The following RRP36 variants were observed in gnomAD, a reference collection of about 807,000 sequenced individuals.
RRP36 encodes ribosomal RNA processing 36, also known as ribosomal RNA processing protein 36 homolog.
In RRP36, 44 loss-of-function variants were observed where a neutral mutation model predicts 39.8. The observed-to-expected ratio is 1.10, with a 90% CI of 0.87 to 1.42. The LOEUF (loss-of-function observed/expected upper bound fraction) is 1.42, where lower values mean the gene tolerates loss of function less well. Ranked by LOEUF, RRP36 falls within the 40% of genes most tolerant of loss-of-function variation. RRP36 has a pLI of 0.00. For synonymous variants in RRP36, 124 were observed against 123.1 expected, an observed-to-expected ratio of 1.01 and a Z score of -0.05; for missense variants, 316 against 322.4, an observed-to-expected ratio of 0.98 and a Z score of 0.15.
chr6:43,026,646 C>T (rs1001623925), intron 4 of RRP36, among the ~76,000 whole-genome samples: 7 of 151,492 alleles, frequency 4.6e-5, no homozygotes, highest in Admixed American at 3.3e-4. Context: ...GCACTCCAAC[C>T]TGGGCAGCAG....
chr6:43,023,731 C>A (rs765649380), intron 1 of RRP36, among the ~76,000 whole-genome samples: 1 of 151,702 alleles, frequency 6.6e-6, no homozygotes, highest in Non-Finnish European at 1.5e-5. Context: ...TAAATTATTA[C>A]ATTAAAAGGC....
Position 43,021,697 on chromosome 6 carries a change from G to C in RRP36, c.43G>C (p.Gly15Arg), listed in dbSNP as rs937110331. 3.6e-6 allele frequency: 4 copies of C among 1,100,774 alleles called. No homozygotes were observed. Among genetic ancestry groups the C allele is most frequent in the Non-Finnish European group, 2.2e-6 (2 of 889,194 alleles). The allele number at this position is 1,100,774 out of a possible 1,614,324, so 68.2% of individuals were successfully genotyped here. A position where few individuals can be genotyped will look rare whatever the true frequency, so the allele number is the denominator to read the frequency against. The change falls in exon 1 of 7, where the codon GGG (glycine) becomes CGG (arginine). Residue 15 changes from glycine to arginine, a missense_variant. Gly to Arg is a moderately radical substitution (Grantham distance 125, BLOSUM62 -2). Coordinates refer to ENST00000244496, the MANE Select transcript of RRP36 (RefSeq NM_033112.4). ...CCGCGCCGGGGCCGGGGCCGGGGCC[G>C]GGGCCCGACGTCCCCGCGGGGCCCG... is the stretch of plus-strand genomic sequence containing the variant. The part of the protein sequence containing the change: ...NYRAGAGAGA[G>R]ARRPRGARDR...
Position 43,021,690 on chromosome 6 carries a change from C to T in RRP36, c.36C>T (p.Ala12=), listed in dbSNP as rs1762713721. 8.2e-7 allele frequency: 1 copy of T among 1,226,708 alleles called. No homozygotes were observed. The highest frequency in any genetic ancestry group is 1.0e-6 in the Non-Finnish European group (1 of 983,220). 76.0% of individuals were successfully genotyped at this position (1,226,708 alleles called of 1,614,324 possible). ...PGANYRAGAG[A]GAGARRPRGA... ...CTAACTACCGCGCCGGGGCCGGGGC[C>T]GGGGCCGGGGCCCGACGTCCCCGCG... The change falls in exon 1 of 7, where the codon GCC becomes GCT. Residue 12 remains alanine, a synonymous_variant. Transcript: ENST00000244496.
intron 5 of RRP36, 54 bp downstream of exon 5, chr6:43,027,306 T>G: frequency 6.2e-7 from 1 of 1,612,258 alleles, no homozygotes; most frequent in South Asian, 1.1e-5. Flanking sequence ...GTGGGAGATA[T>G]TCACAGATCT....
intron 3 of RRP36, 36 bp from the exon 4 acceptor site, chr6:43,026,001 C>T: frequency 6.8e-7 from 1 of 1,467,238 alleles, no homozygotes; most frequent in Non-Finnish European, 9.5e-7. Flanking sequence ...GGAGATTGAA[C>T]AGTTGTGTTT....
chr6:43,022,717 C>T lies in RRP36; in HGVS notation c.130+933C>T, dbSNP rs1467312082. Among the ~76,000 whole-genome samples the T allele has an allele frequency of 4.7e-5, 7 of 150,126 alleles. No homozygotes were observed. The East Asian group carries it at 5.9e-4, about 13-fold the overall frequency. ...GCGCGATCTCAGCTCACTGCAAGCTCCGCCTCCCGTGTTTACGCCATTCTC... is the reference window on the plus strand; with the variant it reads ...GCGCGATCTCAGCTCACTGCAAGCTTCGCCTCCCGTGTTTACGCCATTCTC... On this transcript the variant is annotated intron_variant, in intron 1 of 6. Transcript: ENST00000244496.
Position 43,025,258 on chromosome 6 carries a change from C to T in RRP36, c.279-5C>T. 1.2e-6 allele frequency: 2 copies of T among 1,614,126 alleles called. No individual in the cohort carries two copies. The highest frequency in any genetic ancestry group is 1.1e-5 in the South Asian group (1 of 91,076). On this transcript the variant is annotated splice_polypyrimidine_tract_variant and splice_region_variant and intron_variant, in intron 2 of 6. Transcript: ENST00000244496. ...CTCTTGACTTGGCTTTTAATTTCTC[C>T]ATAGGCCTCTGGAAATGTCAGCCAA...
At chr6:43,027,722 C>G (rs1762840716) in intron 6 of RRP36, among the ~76,000 whole-genome samples, 1 of 131,832 alleles carries the variant, frequency 7.6e-6, no homozygotes, top group East Asian at 2.2e-4. Flanking sequence ...ACCCCCCCCC[C>G]CCAACACACA....
chr6:43,029,276 T>C lies in RRP36; in HGVS notation c.*48T>C. ...CCACTGCCCCAGGGAGACATGGATC[T>C]GTGAGGACAGATTTGGCCACGGCTG... On this transcript the variant is annotated 3_prime_UTR_variant, in exon 7 of 7. Coordinates refer to ENST00000244496, the MANE Select transcript of RRP36 (RefSeq NM_033112.4). The C allele has an allele frequency of 6.2e-7, 1 of 1,602,766 alleles. No homozygotes were observed. The highest frequency in any genetic ancestry group is 8.5e-7 in the Non-Finnish European group (1 of 1,171,594).
rs199956173 is a variant in RRP36 at position 43,029,112 on chromosome 6, C to A, written c.664C>A (p.Leu222Ile). ...TTTAGCTGAGCAGCGCCAGTTGGCA[C>A]TAGCTGAGAAGTTCAAGGAGCTGAA... ...LKKSEQRQLA[L>I]AEKFKELKRS... Residue 222 changes from leucine to isoleucine, a missense_variant, in exon 7 of 7, where the codon CTA (leucine) becomes ATA (isoleucine). Coordinates refer to ENST00000244496, the MANE Select transcript of RRP36 (RefSeq NM_033112.4). 10 of 1,614,236 alleles carry A rather than the reference C, an allele frequency of 6.2e-6. No individual in the cohort carries two copies. In the African/African-American group the frequency reaches 1.3e-4, roughly 22 times the overall value.
At chr6:43,022,280 A>G (rs1231905227) in intron 1 of RRP36, among the ~76,000 whole-genome samples, 1 of 151,822 alleles carries the variant, frequency 6.6e-6, no homozygotes, top group African/African-American at 2.4e-5. Flanking sequence ...TTGTATTTTT[A>G]GTAGAGACGG....
Position 43,025,079 on chromosome 6 carries a change from G to C in RRP36, c.225G>C (p.Lys75Asn). The C allele has an allele frequency of 6.2e-7, 1 of 1,614,180 alleles. No homozygotes were observed. The highest frequency in any genetic ancestry group is 1.1e-5 in the South Asian group (1 of 91,082). The change falls in exon 2 of 7, where the codon AAG becomes AAC. Residue 75 changes from lysine to asparagine, a missense_variant. Transcript: ENST00000244496. ...AATTGGTAGCTGGAAATAGTCCTAA[G>C]AAACAAGCTTCTAGACCACCTATCC... ...YKQLVAGNSP[K>N]KQASRPPIQN... is the part of the protein sequence containing the mutation.
rs935755297 is a variant in RRP36, at chr6:43,025,654, G to A, written c.345+325G>A. 1.3e-4 allele frequency among the ~76,000 whole-genome samples: 20 copies of A among 149,424 alleles called. No homozygotes were observed. The East Asian group carries it at 3.2e-3, about 24-fold the overall frequency. On this transcript the variant is annotated intron_variant, in intron 3 of 6. Transcript: ENST00000244496. ...AAAAAAAAAAAAAAAAATAGAGGCCGGGCGCAGTGGCTCATGTCTGTAATC... is the reference window on the plus strand; with the variant it reads ...AAAAAAAAAAAAAAAAATAGAGGCCAGGCGCAGTGGCTCATGTCTGTAATC...
rs111236532 is a variant in RRP36 at position 43,027,289 on chromosome 6, A to G, written c.525+37A>G. 3,569 of 1,612,872 alleles carry G rather than the reference A, an allele frequency of 2.2e-3. 61 individuals carry two copies. The African/African-American group carries it at 0.039, about 18-fold the overall frequency. On this transcript the variant is annotated intron_variant, in intron 5 of 6. Coordinates refer to ENST00000244496, the MANE Select transcript of RRP36 (RefSeq NM_033112.4). ...ATAATTGTGGTGGGTAATGAAAGCA[A>G]TTAAAGGTGGGAGATATTCACAGAT... is the stretch of plus-strand genomic sequence containing the variant.
intron 1 of RRP36, among the ~76,000 whole-genome samples, chr6:43,022,258 C>G (rs1762731029): frequency 6.6e-6 from 1 of 151,796 alleles, no homozygotes. Flanking sequence ...GCCACCACGC[C>G]CGGCTAATTT....
At chr6:43,028,134 T>G (rs1762852161) in intron 6 of RRP36, among the ~76,000 whole-genome samples, 1 of 150,414 alleles carries the variant, frequency 6.6e-6, no homozygotes, top group African/African-American at 2.5e-5. Context: ...GAGACCAGCC[T>G]GGGGGCCAAC....
chr6:43,022,236 C>T (rs1424521143), intron 1 of RRP36, among the ~76,000 whole-genome samples: 6 of 151,650 alleles, frequency 4.0e-5, no homozygotes, highest in African/African-American at 1.5e-4. Context: ...GCAGCTGGGA[C>T]TACAGGCGCC....
intron 6 of RRP36, among the ~76,000 whole-genome samples, chr6:43,027,721 C>G (rs1433697118): frequency 7.6e-6 from 1 of 130,990 alleles, no homozygotes; most frequent in Non-Finnish European, 1.7e-5. Context: ...AACCCCCCCC[C>G]CCCAACACAC....
At position 43,026,080 on chromosome 6, in the gene RRP36, A is replaced by AT; in HGVS notation, c.390dup (p.Pro131SerfsTer2). 6.2e-7 allele frequency: 1 copy of AT among 1,614,010 alleles called. No homozygotes were observed. Among genetic ancestry groups the AT allele is most frequent in the East Asian group, 2.2e-5 (1 of 44,882 alleles). On this transcript the variant is annotated frameshift_variant, in exon 4 of 7. Transcript: ENST00000244496. LOFTEE classifies it high-confidence loss of function. Reference sequence around the variant, plus strand: ...TTTGATGATCTGTCAGGGGAATATAATCCTGAGGTGTTTGACAAAACATAC... The same window carrying AT: ...TTTGATGATCTGTCAGGGGAATATAATTCCTGAGGTGTTTGACAAAACATAC...
Sources: gnomAD v4.1 joint callset for allele counts (sites outside exome capture counted in the v4.1 genomes callset) on GRCh38, gnomAD v4.1.1 for gene constraint, MANE v1.5 for transcripts, NCBI Gene and HGNC (gene_info 2026-07-23, HGNC 2026-07-21) for gene names.